SLX4IP: variants seen among roughly 807,000 people sequenced by gnomAD.
SLX4IP encodes SLX4 interacting protein.
SLX4IP carries 34 observed loss-of-function variants against 32.9 expected under a neutral mutation model. That is an observed-to-expected ratio of 1.03 (90% CI 0.79 to 1.38). The LOEUF (loss-of-function observed/expected upper bound fraction) is 1.38. Ranked by LOEUF, SLX4IP falls within the 40% of genes most tolerant of loss-of-function variation. SLX4IP has a pLI of 0.00. For missense variants in SLX4IP, 444 were observed against 479.0 expected, an observed-to-expected ratio of 0.93 and a Z score of 0.68; for synonymous variants, 172 against 171.7, an observed-to-expected ratio of 1.00 and a Z score of -0.01.
At chr20:10,582,882 T>C (rs1279393945) in intron 4 of SLX4IP, among the ~76,000 whole-genome samples, 2 of 152,176 alleles carry the variant, frequency 1.3e-5, no homozygotes, top group Non-Finnish European at 2.9e-5. Context: ...TCATGATTTA[T>C]GTTCTGAGAC....
intron 4 of SLX4IP, among the ~76,000 whole-genome samples, chr20:10,579,068 A>G (rs1400846673): frequency 6.6e-6 from 1 of 152,038 alleles, no homozygotes; most frequent in Non-Finnish European, 1.5e-5. Flanking sequence ...AAAGTTTTTA[A>G]TTTTAATGAT....
chr20:10,517,641 A>G (rs1198510982), intron 2 of SLX4IP, among the ~76,000 whole-genome samples: 1 of 152,160 alleles, frequency 6.6e-6, no homozygotes, highest in African/African-American at 2.4e-5. Context: ...ACAGGGGCTA[A>G]TTGTCCTGCT....
intron 2 of SLX4IP, among the ~76,000 whole-genome samples, chr20:10,500,854 A>G (rs563785540): frequency 6.6e-6 from 1 of 152,216 alleles, no homozygotes; most frequent in Non-Finnish European, 1.5e-5. Flanking sequence ...TCAGGATTCT[A>G]ATTTGCAACC....
intron 4 of SLX4IP, among the ~76,000 whole-genome samples, chr20:10,589,618 T>C (rs1304813802): frequency 1.3e-5 from 2 of 152,218 alleles, no homozygotes; most frequent in African/African-American, 4.8e-5. Context: ...TTCTGTTGAA[T>C]ACTCAATTTA....
intron 6 of SLX4IP, among the ~76,000 whole-genome samples, chr20:10,620,379 A>G (rs1362258438): frequency 6.6e-6 from 1 of 152,198 alleles, no homozygotes; most frequent in Non-Finnish European, 1.5e-5. Flanking sequence ...TGATGCTTCC[A>G]TGGGAACACA....
chr20:10,474,161 C>T (rs572046236), intron 2 of SLX4IP, among the ~76,000 whole-genome samples: 41 of 152,256 alleles, frequency 2.7e-4, no homozygotes, highest in South Asian at 6.2e-4. Flanking sequence ...GGTGATCCAT[C>T]CTCCTTGGCC....
chr20:10,579,727 C>G (rs1475940545), intron 4 of SLX4IP, among the ~76,000 whole-genome samples: 2 of 152,156 alleles, frequency 1.3e-5, no homozygotes, highest in African/African-American at 4.8e-5. Context: ...TGCCTGGCCT[C>G]AATTCTGTTT....
chr20:10,613,441 T>C, intron 6 of SLX4IP: 11 of 1,590,200 alleles, frequency 6.9e-6, no homozygotes, highest in Non-Finnish European at 9.5e-6. Context: ...TTCCATTATT[T>C]CTTTTTTTTC....
At chr20:10,580,821 G>C (rs960932097) in intron 4 of SLX4IP, among the ~76,000 whole-genome samples, 1 of 152,110 alleles carries the variant, frequency 6.6e-6, no homozygotes, top group Non-Finnish European at 1.5e-5. Context: ...TCATTTTCAA[G>C]ATTAAGAAAG....
chr20:10,587,350 G>A (rs2066657564), intron 4 of SLX4IP, among the ~76,000 whole-genome samples: 1 of 152,022 alleles, frequency 6.6e-6, no homozygotes, highest in Non-Finnish European at 1.5e-5. Flanking sequence ...TCTACAAAAA[G>A]TCTACAACAA....
chr20:10,505,818 T>C (rs1459067238), intron 2 of SLX4IP, among the ~76,000 whole-genome samples: 1 of 152,240 alleles, frequency 6.6e-6, no homozygotes, highest in African/African-American at 2.4e-5. Flanking sequence ...TCTTTTTTTT[T>C]TCAAAAATAT....
intron 6 of SLX4IP, among the ~76,000 whole-genome samples, chr20:10,618,444 T>C (rs1327500377): frequency 6.6e-6 from 1 of 152,232 alleles, no homozygotes; most frequent in African/African-American, 2.4e-5. Flanking sequence ...ATGAGGCAGA[T>C]GGCTGGAAAT....
chr20:10,553,170 A>C (rs1052291541), intron 2 of SLX4IP, among the ~76,000 whole-genome samples: 2 of 152,190 alleles, frequency 1.3e-5, no homozygotes, highest in African/African-American at 4.8e-5. Flanking sequence ...AATATGAATA[A>C]TATTAGCAGT....
At position 10,624,453 on chromosome 20, in the gene SLX4IP, G is replaced by A. The variant is rs1481010093; in HGVS notation, c.*1074G>A. 1 of 152,138 alleles carries A rather than the reference G, an allele frequency of 6.6e-6. No homozygotes were observed. The highest frequency in any genetic ancestry group is 1.5e-5 in the Non-Finnish European group (1 of 68,040). 9.4% of individuals were successfully genotyped at this position (152,138 alleles called of 1,614,324 possible). ...TTGATGAAATGTCACATAGTGAATT[G>A]TAGCAATGACTTATTTTGGATGGAC... On this transcript the variant is annotated 3_prime_UTR_variant, in exon 8 of 8. Transcript: ENST00000334534.
rs1408225501 is a variant in SLX4IP at position 10,628,002 on chromosome 20, TG to T, written c.*4624del. The T allele has an allele frequency of 3.9e-5, 6 of 152,256 alleles. No homozygotes were observed. The highest frequency in any genetic ancestry group is 1.2e-4 in the African/African-American group (5 of 41,466). 9.4% of individuals were successfully genotyped at this position (152,256 alleles called of 1,614,324 possible). On this transcript the variant is annotated 3_prime_UTR_variant, in exon 8 of 8. Coordinates refer to ENST00000334534, the MANE Select transcript of SLX4IP (RefSeq NM_001009608.3). Reference sequence around the variant, plus strand: ...TATGTAATAGAAATGTACTGTTTTATGAATAAGGAGTAAAATTGTTTTAAAA... The same window carrying T: ...TATGTAATAGAAATGTACTGTTTTATAATAAGGAGTAAAATTGTTTTAAAA...
rs541465935 is a variant in SLX4IP at position 10,585,639 on chromosome 20, C to T, written c.239-13036C>T. On this transcript the variant is annotated intron_variant, in intron 4 of 7. Coordinates refer to ENST00000334534, the MANE Select transcript of SLX4IP (RefSeq NM_001009608.3). ...ACTCTGTCACCCAGGCTGGATGGAG[C>T]GCAGTGGCATGATCTTGGCTCATTG... Among the ~76,000 whole-genome samples, 31 of 151,262 alleles carry T rather than the reference C, an allele frequency of 2.0e-4. No individual in the cohort carries two copies. The South Asian group carries it at 5.0e-3, about 25-fold the overall frequency.
At chr20:10,580,733 G>A (rs2066575402) in intron 4 of SLX4IP, among the ~76,000 whole-genome samples, 1 of 151,744 alleles carries the variant, frequency 6.6e-6, no homozygotes, top group African/African-American at 2.4e-5. Context: ...CTATTTGAGG[G>A]GCACCTGGTT....
intron 6 of SLX4IP, among the ~76,000 whole-genome samples, chr20:10,621,097 C>T (rs117026974): frequency 0.042 from 6,410 of 152,176 alleles, 173 homozygotes; most frequent in Non-Finnish European, 0.059. Flanking sequence ...ATGTTTATGA[C>T]GCATGTTAAT....
intron 2 of SLX4IP, among the ~76,000 whole-genome samples, chr20:10,529,977 G>A (rs1477306615): frequency 6.6e-6 from 1 of 152,178 alleles, no homozygotes; most frequent in African/African-American, 2.4e-5. Context: ...GGTTGGCAGC[G>A]TGAAGATTCT....
Sources: allele counts gnomAD v4.1 joint callset (sites outside exome capture counted in the v4.1 genomes callset), GRCh38; gene constraint gnomAD v4.1.1; transcripts MANE v1.5; gene names NCBI Gene and HGNC (gene_info 2026-07-23, HGNC 2026-07-21).